ADGRG2: variants seen among roughly 807,000 people sequenced by gnomAD.
The protein encoded by ADGRG2 is G protein-coupled receptor 64.
A neutral mutation model predicts 74.1 loss-of-function variants in ADGRG2; 26 were observed. The observed-to-expected ratio is 0.35, with a 90% CI of 0.26 to 0.49. ADGRG2 has a LOEUF of 0.49. Among genes scored for constraint, ADGRG2 ranks in the 20% least tolerant of loss-of-function variants. The probability of loss-of-function intolerance (pLI) is 0.99; values close to 1 mark genes in which losing one functional copy is unlikely to be tolerated. For synonymous variants in ADGRG2, 296 were observed against 295.2 expected (o/e 1.00, Z -0.03); for missense variants, 619 against 763.1 (o/e 0.81, Z 2.22).
intron 3 of ADGRG2, among the ~76,000 whole-genome samples, chrX:19,052,164 TCAGAC>T (rs2061334592): frequency 8.9e-6 from 1 of 111,954 alleles, no homozygotes; most frequent in African/African-American, 3.2e-5. Flanking sequence ...GAACTCAGAC[TCAGAC>T]TTGTTTGACT....
chrX:19,074,220 A>G (rs181277578), intron 2 of ADGRG2, among the ~76,000 whole-genome samples: 1 of 111,245 alleles, frequency 9.0e-6, no homozygotes, highest in East Asian at 2.8e-4. Context: ...ATAAAATGCT[A>G]AAAGCATTTT....
intron 3 of ADGRG2, among the ~76,000 whole-genome samples, chrX:19,054,888 G>C (rs5909107): frequency 0.37 from 41,133 of 110,232 alleles, 7,015 homozygotes; most frequent in African/African-American, 0.66. Flanking sequence ...AGGGAGGTGC[G>C]GGGCCTGTAA....
chrX:19,121,216 T>C (rs1162695710), intron 1 of ADGRG2, among the ~76,000 whole-genome samples: 1 of 111,962 alleles, frequency 8.9e-6, no homozygotes, highest in Non-Finnish European at 1.9e-5. Flanking sequence ...ATAACCTGTT[T>C]GGGGCCATGC....
At chrX:19,062,240 A>G (rs889511066) in intron 3 of ADGRG2, among the ~76,000 whole-genome samples, 10 of 112,017 alleles carry the variant, frequency 8.9e-5, no homozygotes, top group African/African-American at 3.2e-4. Flanking sequence ...ATCATCTCCC[A>G]GAGGAAACAG....
intron 7 of ADGRG2, chrX:19,034,637 A>T (rs2060895840): frequency 8.9e-6 from 1 of 112,457 alleles, no homozygotes; most frequent in Admixed American, 9.4e-5. Context: ...TCACATTGTC[A>T]TTAAGAATCT....
At chrX:19,048,863 C>T (rs1431365707) in intron 3 of ADGRG2, among the ~76,000 whole-genome samples, 1 of 112,371 alleles carries the variant, frequency 8.9e-6, no homozygotes, top group African/African-American at 3.2e-5. Context: ...TTCAGTCTGA[C>T]GACATGTAAA....
chrX:19,066,009 G>A (rs1191210332), intron 3 of ADGRG2, among the ~76,000 whole-genome samples: 1 of 111,661 alleles, frequency 9.0e-6, no homozygotes, highest in East Asian at 2.8e-4. Context: ...ACCACGCCCG[G>A]CTAATTTTTT....
intron 3 of ADGRG2, among the ~76,000 whole-genome samples, chrX:19,064,065 A>C (rs1318402769): frequency 9.0e-6 from 1 of 111,720 alleles, no homozygotes; most frequent in African/African-American, 3.3e-5. Flanking sequence ...CCCATTACTC[A>C]CTGTTTGGGG....
intron 3 of ADGRG2, among the ~76,000 whole-genome samples, chrX:19,063,491 GTTTC>G (rs2061518677): frequency 1.8e-5 from 2 of 112,374 alleles, no homozygotes; most frequent in Admixed American, 1.9e-4. Flanking sequence ...TTGTTTGACA[GTTTC>G]TTTGTCTGTA....
At chrX:19,101,557 C>T (rs1047667537) in intron 1 of ADGRG2, among the ~76,000 whole-genome samples, 6 of 109,494 alleles carry the variant, frequency 5.5e-5, no homozygotes, top group African/African-American at 1.3e-4. Context: ...AAAAATTAGC[C>T]GACCCTAGTG....
chrX:19,048,017 T>C (rs1210939569), intron 3 of ADGRG2, among the ~76,000 whole-genome samples: 1 of 111,425 alleles, frequency 9.0e-6, no homozygotes, highest in Admixed American at 9.5e-5. Flanking sequence ...TCCGCAGTTC[T>C]AGGTGGGCTT....
At chrX:19,105,914 C>T (rs1416002695) in intron 1 of ADGRG2, among the ~76,000 whole-genome samples, 108 of 72,256 alleles carry the variant, frequency 1.5e-3, no homozygotes, top group South Asian at 2.4e-3. Context: ...AGCGACAGAG[C>T]GAGACTCTGT....
In ADGRG2 at chrX:18,999,030, G is replaced by A. The variant is rs2060074462; in HGVS notation, c.2580C>T (p.Phe860=). The change falls in exon 26 of 29, where the codon TTC becomes TTT. Residue 860 remains phenylalanine (F), a synonymous_variant. Coordinates refer to ENST00000379869, the MANE Select transcript of ADGRG2 (RefSeq NM_001079858.3). ...FFAWGPVNVT[F]MYLFAIFNTL... is the part of the protein sequence containing the mutation. ...TATTAAAGATGGCAAACAGATACATGAAGGTCACGTTAACTGGTCCCCAGG... is the reference window on the plus strand; with the variant it reads ...TATTAAAGATGGCAAACAGATACATAAAGGTCACGTTAACTGGTCCCCAGG... 2.5e-6 allele frequency: 3 copies of A among 1,207,593 alleles called. No homozygotes were observed. The highest frequency in any genetic ancestry group is 3.4e-6 in the Non-Finnish European group (3 of 892,100).
chrX:19,022,847 C>T (rs1396321064), intron 13 of ADGRG2, among the ~76,000 whole-genome samples: 1 of 111,589 alleles, frequency 9.0e-6, no homozygotes, highest in African/African-American at 3.3e-5. Context: ...CAAGAGCCCG[C>T]CACCATGCCT....
At position 19,068,718 on chromosome X, in the gene ADGRG2, T is replaced by C; in HGVS notation, c.117A>G (p.Glu39=). ...AATGAAGAAAAACAGACACATTACC[T>C]TCCAGGGATGTTACCAGAACGACAT... is the stretch of plus-strand genomic sequence containing the variant. The part of the protein sequence containing the change: ...CLHVVLVTSL[E]EDTDNSSLSP... Residue 39 remains glutamate, a splice_region_variant and synonymous_variant, in exon 3 of 29, where the codon GAA becomes GAG. Coordinates refer to ENST00000379869, the MANE Select transcript of ADGRG2 (RefSeq NM_001079858.3). The C allele has an allele frequency of 3.2e-6, 3 of 929,051 alleles. No homozygotes were observed. In the Middle Eastern group the frequency reaches 8.2e-4, roughly 253 times the overall value. The allele number at this position is 929,051 out of a possible 1,213,427, so 76.6% of individuals were successfully genotyped here. A position where few individuals can be genotyped will look rare whatever the true frequency, so the allele number is the denominator to read the frequency against.
intron 28 of ADGRG2, among the ~76,000 whole-genome samples, chrX:18,991,276 GT>G (rs367686495): frequency 1.0e-4 from 11 of 107,218 alleles, no homozygotes; most frequent in Admixed American, 2.0e-4. Flanking sequence ...CTCTATGGCA[GT>G]TTTTTTTTTG....
intron 3 of ADGRG2, among the ~76,000 whole-genome samples, chrX:19,049,528 G>A (rs1471654726): frequency 1.9e-5 from 2 of 104,941 alleles, no homozygotes; most frequent in African/African-American, 7.2e-5. Flanking sequence ...CACTGAGAAT[G>A]CATGACCTAG....
intron 23 of ADGRG2, among the ~76,000 whole-genome samples, chrX:19,004,128 C>T (rs2060184441): frequency 8.9e-6 from 1 of 111,943 alleles, no homozygotes. Context: ...CAAGAACCTA[C>T]ATATTGTTTC....
intron 1 of ADGRG2, among the ~76,000 whole-genome samples, chrX:19,111,323 A>T (rs751140780): frequency 9.0e-6 from 1 of 111,434 alleles, no homozygotes; most frequent in South Asian, 3.8e-4. Flanking sequence ...ATCTAGATGG[A>T]ATGGAAAGCC....
Sources: allele counts gnomAD v4.1 joint callset (sites outside exome capture counted in the v4.1 genomes callset), GRCh38; gene constraint gnomAD v4.1.1; transcripts MANE v1.5; gene names NCBI Gene and HGNC (gene_info 2026-07-23, HGNC 2026-07-21).